The following ATRNL1 variants were observed in gnomAD, a reference collection of about 807,000 sequenced individuals.
The protein encoded by ATRNL1 is attractin like 1.
A neutral mutation model predicts 182.7 loss-of-function variants in ATRNL1; 95 were observed. The observed-to-expected ratio is 0.52, with a 90% CI of 0.44 to 0.62. The LOEUF (loss-of-function observed/expected upper bound fraction) is 0.62. ATRNL1 is among the 20% of genes least tolerant of loss of function. ATRNL1 has a pLI of 0.00. For missense variants in ATRNL1, 1,471 were observed against 1,679.5 expected, an observed-to-expected ratio of 0.88 and a Z score of 2.17; for synonymous variants, 576 against 568.3, an observed-to-expected ratio of 1.01 and a Z score of -0.19.
intron 27 of ATRNL1, among the ~76,000 whole-genome samples, chr10:115,828,332 G>C (rs1950485669): frequency 1.3e-5 from 2 of 149,428 alleles, no homozygotes; most frequent in African/African-American, 5.1e-5. Flanking sequence ...AAAAAGAAAA[G>C]AAAAGAAAAG....
chr10:115,306,711 T>C (rs1853749742), intron 17 of ATRNL1, among the ~76,000 whole-genome samples: 1 of 152,114 alleles, frequency 6.6e-6, no homozygotes, highest in Non-Finnish European at 1.5e-5. Context: ...TCTAGATATA[T>C]CTTAATATTT....
chr10:115,888,131 A>G (rs907327360), intron 28 of ATRNL1, among the ~76,000 whole-genome samples: 1 of 152,140 alleles, frequency 6.6e-6, no homozygotes, highest in African/African-American at 2.4e-5. Context: ...TCTCTAAGGT[A>G]GCAGTCCTCT....
intron 8 of ATRNL1, among the ~76,000 whole-genome samples, chr10:115,206,178 G>C (rs1460447494): frequency 1.3e-5 from 2 of 152,062 alleles, no homozygotes; most frequent in Non-Finnish European, 2.9e-5. Flanking sequence ...TAAAACCATA[G>C]TCATTTAAAT....
intron 1 of ATRNL1, among the ~76,000 whole-genome samples, chr10:115,119,810 C>T (rs1844648258): frequency 6.6e-6 from 1 of 152,044 alleles, no homozygotes; most frequent in Non-Finnish European, 1.5e-5. Context: ...TACTTTTTCT[C>T]TATTCCATAG....
chr10:115,413,034 C>G (rs915705383), intron 20 of ATRNL1, among the ~76,000 whole-genome samples: 1 of 152,068 alleles, frequency 6.6e-6, no homozygotes, highest in African/African-American at 2.4e-5. Context: ...ACGGATATGC[C>G]AAACATTTTA....
chr10:115,167,757 C>T (rs1028443547), intron 7 of ATRNL1, among the ~76,000 whole-genome samples: 6 of 151,790 alleles, frequency 4.0e-5, no homozygotes, highest in African/African-American at 1.2e-4. Flanking sequence ...CATTTTTTGC[C>T]TTGTTTTATT....
intron 19 of ATRNL1, among the ~76,000 whole-genome samples, chr10:115,368,499 T>C (rs1243883099): frequency 6.6e-6 from 1 of 152,182 alleles, no homozygotes; most frequent in East Asian, 1.9e-4. Context: ...TCGCTCACGC[T>C]GGGAGCTGTA....
chr10:115,608,479 C>A (rs1031751758), intron 26 of ATRNL1, among the ~76,000 whole-genome samples: 5 of 152,006 alleles, frequency 3.3e-5, no homozygotes, highest in Non-Finnish European at 7.4e-5. Context: ...ACATACCATA[C>A]TTTTGGACAA....
rs75474506 is a variant in ATRNL1, at chr10:115,857,707, G to A, written c.4018+9716G>A. ...AAACAAAAGAAAATAAGGATGAGAA[G>A]CTTAAAGAATAGTGAAAATGGCTAA... On this transcript the variant is annotated intron_variant, in intron 28 of 28. Transcript: ENST00000355044. 4.8e-4 allele frequency among the ~76,000 whole-genome samples: 73 copies of A among 152,262 alleles called. 1 individual carries two copies. In the East Asian group the frequency reaches 0.011, roughly 24 times the overall value.
rs563520659 is a variant in ATRNL1, at chr10:115,906,647, A to C, written c.4019-38011A>C. ...ACTGTAAGTGGGTTAAACAGTTTTC[A>C]TTATTAGAATTGACTACTTTCTTCA... On this transcript the variant is annotated intron_variant, in intron 28 of 28. Transcript: ENST00000355044. 5.3e-5 allele frequency among the ~76,000 whole-genome samples: 8 copies of C among 152,310 alleles called. No individual in the cohort carries two copies. The South Asian group carries it at 1.4e-3, about 28-fold the overall frequency.
chr10:115,261,955 A>T (rs1851411352), intron 10 of ATRNL1, among the ~76,000 whole-genome samples: 1 of 152,146 alleles, frequency 6.6e-6, no homozygotes, highest in Admixed American at 6.5e-5. Context: ...GAGGGAGAGG[A>T]AATATGCGTG....
chr10:115,564,318 G>A (rs1853941751), intron 26 of ATRNL1, among the ~76,000 whole-genome samples: 2 of 151,856 alleles, frequency 1.3e-5, no homozygotes, highest in Admixed American at 1.3e-4. Context: ...CAATTATGAA[G>A]CATTGTAACC....
chr10:115,520,250 G>A (rs1592777012), intron 25 of ATRNL1, among the ~76,000 whole-genome samples: 1 of 152,154 alleles, frequency 6.6e-6, no homozygotes, highest in African/African-American at 2.4e-5. Flanking sequence ...CACAGATGAT[G>A]TATTTGGAAC....
At chr10:115,358,065 A>G (rs1856580356) in intron 19 of ATRNL1, among the ~76,000 whole-genome samples, 1 of 151,494 alleles carries the variant, frequency 6.6e-6, no homozygotes, top group Non-Finnish European at 1.5e-5. Flanking sequence ...TGCCCTTATT[A>G]GTTTAGGCCT....
intron 27 of ATRNL1, among the ~76,000 whole-genome samples, chr10:115,817,531 CAT>C (rs1324176947): frequency 6.6e-6 from 1 of 152,036 alleles, no homozygotes; most frequent in Non-Finnish European, 1.5e-5. Context: ...CAGATGCATA[CAT>C]ATATGACAGA....
At chr10:115,393,398 T>C (rs1844128273) in intron 19 of ATRNL1, among the ~76,000 whole-genome samples, 1 of 152,196 alleles carries the variant, frequency 6.6e-6, no homozygotes, top group African/African-American at 2.4e-5. Context: ...AGAGTTACTA[T>C]TGATACTGGA....
intron 9 of ATRNL1, among the ~76,000 whole-genome samples, chr10:115,229,770 T>C (rs930070971): frequency 6.6e-6 from 1 of 152,160 alleles, no homozygotes; most frequent in Admixed American, 6.5e-5. Context: ...CTTATCTCTG[T>C]AGCTTTGCTT....
chr10:115,879,464 TA>T (rs1343052432), intron 28 of ATRNL1, among the ~76,000 whole-genome samples: 3 of 152,148 alleles, frequency 2.0e-5, no homozygotes, highest in African/African-American at 7.2e-5. Flanking sequence ...TATGTAGCCA[TA>T]GGAGAGCCCT....
At chr10:115,936,949 TCTC>T (rs1437544918) in intron 28 of ATRNL1, among the ~76,000 whole-genome samples, 2 of 152,172 alleles carry the variant, frequency 1.3e-5, no homozygotes, top group Non-Finnish European at 2.9e-5. Flanking sequence ...AGTGTTTGTG[TCTC>T]CGAAATCAGT....
Sources: gnomAD v4.1 joint callset for allele counts (sites outside exome capture counted in the v4.1 genomes callset) on GRCh38, gnomAD v4.1.1 for gene constraint, MANE v1.5 for transcripts, NCBI Gene and HGNC (gene_info 2026-07-23, HGNC 2026-07-21) for gene names.